NEK11: variants seen among roughly 807,000 people sequenced by gnomAD.
NEK11 encodes the protein NIMA related kinase 11, also known as serine/threonine-protein kinase Nek11.
Under a neutral mutation model 80.7 loss-of-function variants are expected in NEK11, and 72 were observed. The ratio of observed to expected loss-of-function variants is 0.89; its 90% CI spans 0.74 to 1.08. The LOEUF is 1.08. Ranked by LOEUF, NEK11 falls within the 50% of genes least tolerant of loss-of-function variation. The pLI is 0.00. For synonymous variants in NEK11, 251 were observed against 260.7 expected (o/e 0.96, Z 0.36); for missense variants, 764 against 763.6 (o/e 1.00, Z -0.01).
intron 16 of NEK11, among the ~76,000 whole-genome samples, chr3:131,261,762 T>C (rs2095925527): frequency 1.3e-5 from 2 of 152,186 alleles, no homozygotes; most frequent in Non-Finnish European, 2.9e-5. Flanking sequence ...GGATCATCTG[T>C]ATAGATAGCC....
At chr3:131,077,847 A>G (rs527360980) in intron 3 of NEK11, among the ~76,000 whole-genome samples, 1 of 152,344 alleles carries the variant, frequency 6.6e-6, no homozygotes, top group East Asian at 1.9e-4. Context: ...TCCTAATAAC[A>G]TTAGGTCATT....
chr3:131,340,920 TAGAA>T (rs929904883), intron 17 of NEK11, among the ~76,000 whole-genome samples: 5 of 152,234 alleles, frequency 3.3e-5, no homozygotes, highest in East Asian at 1.9e-4. Flanking sequence ...AAATGCACCA[TAGAA>T]AGAAATAGAA....
intron 16 of NEK11, among the ~76,000 whole-genome samples, chr3:131,248,477 A>G (rs1189995698): frequency 1.3e-5 from 2 of 152,064 alleles, no homozygotes; most frequent in African/African-American, 4.8e-5. Context: ...GGGTCTGGAA[A>G]AATGCTTGGG....
chr3:131,076,122 C>G (rs1233912407), intron 3 of NEK11, among the ~76,000 whole-genome samples: 4 of 152,174 alleles, frequency 2.6e-5, no homozygotes, highest in Non-Finnish European at 4.4e-5. Flanking sequence ...GGCTGGGAGT[C>G]ATAGGGTTGG....
intron 3 of NEK11, among the ~76,000 whole-genome samples, chr3:131,058,345 T>C (rs1030828075): frequency 6.6e-6 from 1 of 152,046 alleles, no homozygotes; most frequent in Non-Finnish European, 1.5e-5. Context: ...TTTGTTCTTT[T>C]GGCTTAGGAC....
chr3:131,081,805 A>G (rs1315750606), intron 4 of NEK11, among the ~76,000 whole-genome samples: 1 of 152,130 alleles, frequency 6.6e-6, no homozygotes, highest in Non-Finnish European at 1.5e-5. Flanking sequence ...ACTCGACCTA[A>G]CTTGAAGGTG....
intron 14 of NEK11, among the ~76,000 whole-genome samples, chr3:131,209,812 T>C (rs1313414918): frequency 6.6e-6 from 1 of 152,258 alleles, no homozygotes; most frequent in Non-Finnish European, 1.5e-5. Context: ...TTTGTATTTC[T>C]GTGGGATTGG....
chr3:131,344,490 C>T (rs2097332685), intron 17 of NEK11, among the ~76,000 whole-genome samples: 1 of 152,210 alleles, frequency 6.6e-6, no homozygotes, highest in African/African-American at 2.4e-5. Context: ...CTGCCCATTA[C>T]CCAGGTTCCA....
At chr3:131,337,120 T>C (rs1335446738) in intron 17 of NEK11, among the ~76,000 whole-genome samples, 1 of 152,208 alleles carries the variant, frequency 6.6e-6, no homozygotes, top group Non-Finnish European at 1.5e-5. Flanking sequence ...ACTGGGTATA[T>C]ACCCAAAGGA....
intron 3 of NEK11, among the ~76,000 whole-genome samples, chr3:131,049,748 T>C (rs1441456511): frequency 6.6e-6 from 1 of 152,236 alleles, no homozygotes; most frequent in Non-Finnish European, 1.5e-5. Flanking sequence ...CAATAATATA[T>C]GATCCTCCAA....
intron 5 of NEK11, among the ~76,000 whole-genome samples, chr3:131,118,108 G>T (rs1436022479): frequency 5.3e-5 from 8 of 152,180 alleles, no homozygotes; most frequent in African/African-American, 1.7e-4. Flanking sequence ...TTGGCTGTGG[G>T]TTTGTCCTAA....
intron 4 of NEK11, among the ~76,000 whole-genome samples, chr3:131,104,320 G>A (rs1418993000): frequency 2.0e-5 from 3 of 152,118 alleles, no homozygotes; most frequent in Admixed American, 6.6e-5. Flanking sequence ...TGCTCTGGGG[G>A]CCTAAGCTGG....
chr3:131,156,447 G>A (rs1477787369), intron 10 of NEK11, among the ~76,000 whole-genome samples: 3 of 152,170 alleles, frequency 2.0e-5, no homozygotes, highest in Non-Finnish European at 4.4e-5. Flanking sequence ...AATGTGGTTG[G>A]AGTTCTTTCA....
intron 3 of NEK11, among the ~76,000 whole-genome samples, chr3:131,072,501 T>C (rs2073565307): frequency 6.6e-6 from 1 of 152,126 alleles, no homozygotes; most frequent in Non-Finnish European, 1.5e-5. Flanking sequence ...TCAGTGTTTC[T>C]CACAATAAGG....
At chr3:131,094,040 G>C (rs1045255557) in intron 4 of NEK11, among the ~76,000 whole-genome samples, 3 of 149,264 alleles carry the variant, frequency 2.0e-5, no homozygotes, top group East Asian at 2.0e-4. Flanking sequence ...TTTACCTTGA[G>C]ATCTCCAGTG....
At chr3:131,296,804 C>A (rs1383848373) in intron 17 of NEK11, among the ~76,000 whole-genome samples, 1 of 151,864 alleles carries the variant, frequency 6.6e-6, no homozygotes, top group African/African-American at 2.4e-5. Flanking sequence ...AATGCTATCC[C>A]TCCCCACTCC....
chr3:131,228,480 T>C, intron 14 of NEK11, 48 bp from the exon 15 acceptor site: 1 of 1,507,670 alleles, frequency 6.6e-7, no homozygotes, highest in Non-Finnish European at 9.0e-7. Flanking sequence ...CTTACCTCAT[T>C]ATAATTTTAA....
At chr3:131,209,279 T>C (rs1376629737) in intron 14 of NEK11, among the ~76,000 whole-genome samples, 1 of 152,190 alleles carries the variant, frequency 6.6e-6, no homozygotes, top group Non-Finnish European at 1.5e-5. Context: ...GGATTATGTT[T>C]ATTGATTTGC....
At chr3:131,140,294 G>A (rs1009544736) in intron 7 of NEK11, among the ~76,000 whole-genome samples, 3 of 152,256 alleles carry the variant, frequency 2.0e-5, no homozygotes, top group East Asian at 3.9e-4. Flanking sequence ...CACATTGAGA[G>A]ACCAACATGG....
Sources: allele counts gnomAD v4.1 joint callset (sites outside exome capture counted in the v4.1 genomes callset), GRCh38; gene constraint gnomAD v4.1.1; transcripts MANE v1.5; gene names NCBI Gene and HGNC (gene_info 2026-07-23, HGNC 2026-07-21).